The following USH2A variants were observed in gnomAD, a reference collection of about 807,000 sequenced individuals.
The protein encoded by USH2A is Usher syndrome 2A (autosomal recessive, mild).
Under a neutral mutation model 538.9 loss-of-function variants are expected in USH2A, and 443 were observed. That is an observed-to-expected ratio of 0.82 (90% CI 0.76 to 0.89). The LOEUF (loss-of-function observed/expected upper bound fraction) is 0.89. USH2A is among the 40% of genes least tolerant of loss of function. USH2A has a pLI of 0.00. For missense variants in USH2A, 6,633 were observed against 6,324.8 expected, an observed-to-expected ratio of 1.05 and a Z score of -1.65; for synonymous variants, 2,413 against 2,273.5, an observed-to-expected ratio of 1.06 and a Z score of -1.75.
At chr1:216,403,663 C>A (rs2039344459) in intron 3 of USH2A, among the ~76,000 whole-genome samples, 2 of 152,168 alleles carry the variant, frequency 1.3e-5, no homozygotes, top group East Asian at 1.9e-4. Context: ...AACACAAAAC[C>A]AATTACAATC....
rs561983618 is a variant in USH2A, at chr1:216,175,918, G to C, written c.4397-436C>G. On this transcript the variant is annotated intron_variant, in intron 20 of 71. Coordinates refer to ENST00000307340, the MANE Select transcript of USH2A (RefSeq NM_206933.4). ...CGTAGAACTTCCCTTGGCTGAGTAA[G>C]AGCTGCCTCACCCAGGAGCCACAGG... 1.5e-3 allele frequency among the ~76,000 whole-genome samples: 226 copies of C among 152,142 alleles called. 1 individual carries two copies. Among genetic ancestry groups the C allele is most frequent in the Non-Finnish European group, 1.9e-3 (128 of 68,006 alleles).
intron 21 of USH2A, among the ~76,000 whole-genome samples, chr1:216,151,082 C>A (rs1279740935): frequency 6.6e-6 from 1 of 152,102 alleles, no homozygotes; most frequent in African/African-American, 2.4e-5. Context: ...ATACCCAGCC[C>A]CGAAAATAAC....
At chr1:216,164,999 C>A (rs1572013526) in intron 21 of USH2A, among the ~76,000 whole-genome samples, 1 of 152,064 alleles carries the variant, frequency 6.6e-6, no homozygotes, top group Non-Finnish European at 1.5e-5. Flanking sequence ...AGATTTGAAA[C>A]CTGGGGAGTC....
chr1:215,678,245 A>C (rs1301830439), intron 62 of USH2A, among the ~76,000 whole-genome samples: 1 of 152,204 alleles, frequency 6.6e-6, no homozygotes, highest in Admixed American at 6.5e-5. Context: ...CTTTGCTTAA[A>C]GCCTTCAGTA....
rs560828022 is a variant in USH2A at position 216,096,577 on chromosome 1, A to C, written c.4758+506T>G. Among the ~76,000 whole-genome samples, 3 of 152,320 alleles carry C rather than the reference A, an allele frequency of 2.0e-5. No individual in the cohort carries two copies. The East Asian group carries it at 5.8e-4, about 29-fold the overall frequency. On this transcript the variant is annotated intron_variant, in intron 22 of 71. Coordinates refer to ENST00000307340, the MANE Select transcript of USH2A (RefSeq NM_206933.4). ...AATCCTAAATCTTTATTTTGATACA[A>C]TTTATAAGAATTTTAAATTGATTAT... is the stretch of plus-strand genomic sequence containing the variant.
At chr1:216,386,510 AAC>A in intron 3 of USH2A, among the ~76,000 whole-genome samples, 1 of 123,548 alleles carries the variant, frequency 8.1e-6, no homozygotes, top group Middle Eastern at 5.1e-3. Context: ...CAAACAAACA[AAC>A]AAACAAACAA....
At chr1:216,097,817 A>G (rs1177373409) in intron 21 of USH2A, among the ~76,000 whole-genome samples, 1 of 152,210 alleles carries the variant, frequency 6.6e-6, no homozygotes, top group Non-Finnish European at 1.5e-5. Flanking sequence ...AAATTTCCAC[A>G]GCTTAGGAAG....
intron 35 of USH2A, among the ~76,000 whole-genome samples, chr1:215,982,249 C>G (rs1381309357): frequency 7.9e-5 from 12 of 152,180 alleles, no homozygotes. Context: ...GACAGTTGAT[C>G]TGAGAATCAA....
intron 21 of USH2A, among the ~76,000 whole-genome samples, chr1:216,121,552 C>T (rs907016782): frequency 3.3e-5 from 5 of 152,078 alleles, no homozygotes; most frequent in African/African-American, 9.7e-5. Flanking sequence ...GTCATGTTTG[C>T]ATTAATGCTG....
intron 42 of USH2A, 121 bp downstream of exon 42, chr1:215,878,643 G>T: frequency 1.1e-6 from 1 of 927,554 alleles, no homozygotes; most frequent in East Asian, 2.6e-5. Flanking sequence ...TTATGAGTCA[G>T]GGGATATTCA....
intron 3 of USH2A, among the ~76,000 whole-genome samples, chr1:216,391,114 G>A (rs1435115787): frequency 6.6e-6 from 1 of 152,204 alleles, no homozygotes; most frequent in African/African-American, 2.4e-5. Context: ...GAGTTCAGCT[G>A]AAGGTAACTA....
intron 38 of USH2A, among the ~76,000 whole-genome samples, chr1:215,923,879 T>C (rs1666166395): frequency 6.6e-6 from 1 of 151,850 alleles, no homozygotes; most frequent in Non-Finnish European, 1.5e-5. Flanking sequence ...ATTTTTTTTT[T>C]CATTTTACTT....
chr1:215,835,621 A>G (rs1663456678), intron 47 of USH2A, among the ~76,000 whole-genome samples: 1 of 152,010 alleles, frequency 6.6e-6, no homozygotes, highest in African/African-American at 2.4e-5. Context: ...GGGATTCCAA[A>G]CACTTATTTG....
intron 4 of USH2A, among the ~76,000 whole-genome samples, chr1:216,335,357 C>T (rs1343263053): frequency 6.6e-6 from 1 of 151,216 alleles, no homozygotes; most frequent in Non-Finnish European, 1.5e-5. Flanking sequence ...AATCAATAAC[C>T]TAATCTTCTA....
At chr1:215,648,817 T>A (rs766830219) in intron 65 of USH2A, 51 bp from the exon 66 acceptor site, 7 of 1,553,388 alleles carry the variant, frequency 4.5e-6, no homozygotes, top group Non-Finnish European at 1.8e-6. Flanking sequence ...ATTAAAGGTG[T>A]TTGATGAATG....
At chr1:215,870,274 T>A (rs1664588596) in intron 43 of USH2A, among the ~76,000 whole-genome samples, 1 of 149,452 alleles carries the variant, frequency 6.7e-6, no homozygotes, top group Non-Finnish European at 1.5e-5. Flanking sequence ...ACAAGATTTT[T>A]TTTTTATTTT....
At chr1:216,037,090 T>C (rs1237762360) in intron 32 of USH2A, among the ~76,000 whole-genome samples, 1 of 152,146 alleles carries the variant, frequency 6.6e-6, no homozygotes, top group Non-Finnish European at 1.5e-5. Flanking sequence ...GCAGTCTTTT[T>C]TACATTATTA....
At chr1:215,910,670 C>A (rs1388313331) in intron 38 of USH2A, among the ~76,000 whole-genome samples, 3 of 151,946 alleles carry the variant, frequency 2.0e-5, no homozygotes, top group Non-Finnish European at 4.4e-5. Context: ...TACAATCATG[C>A]TTTACTCATT....
chr1:216,139,180 C>T (rs1214733272), intron 21 of USH2A, among the ~76,000 whole-genome samples: 1 of 152,072 alleles, frequency 6.6e-6, no homozygotes, highest in Non-Finnish European at 1.5e-5. Context: ...GAATATCAGC[C>T]AAGGTCAGAA....
Sources: gnomAD v4.1 joint callset for allele counts (sites outside exome capture counted in the v4.1 genomes callset) on GRCh38, gnomAD v4.1.1 for gene constraint, MANE v1.5 for transcripts, NCBI Gene and HGNC (gene_info 2026-07-23, HGNC 2026-07-21) for gene names.